The following CSMD1 variants were observed in gnomAD, a reference collection of about 807,000 sequenced individuals.
The protein encoded by CSMD1 is CUB and Sushi multiple domains 1.
In CSMD1, 213 loss-of-function variants were observed where a neutral mutation model predicts 417.5. That is an observed-to-expected ratio of 0.51 (90% CI 0.46 to 0.57). The LOEUF is 0.57. Among genes scored for constraint, CSMD1 ranks in the 20% least tolerant of loss-of-function variants. The probability of loss-of-function intolerance (pLI) is 0.00; values close to 1 mark genes in which losing one functional copy is unlikely to be tolerated. For missense variants in CSMD1, 6,923 were observed against 4,529.7 expected (o/e 1.53, Z -15.17); for synonymous variants, 2,862 against 1,736.8 (o/e 1.65, Z -16.11).
chr8:4,528,025 G>A (rs1044363141), intron 2 of CSMD1, among the ~76,000 whole-genome samples: 4 of 152,146 alleles, frequency 2.6e-5, no homozygotes, highest in East Asian at 3.9e-4. Context: ...TCATGTCAGT[G>A]CTTTGGAAAA....
At chr8:3,845,941 C>A (rs1803473910) in intron 5 of CSMD1, among the ~76,000 whole-genome samples, 1 of 152,034 alleles carries the variant, frequency 6.6e-6, no homozygotes, top group Non-Finnish European at 1.5e-5. Flanking sequence ...ACCTTCACAT[C>A]CTGTCCCACT....
intron 46 of CSMD1, among the ~76,000 whole-genome samples, chr8:3,104,841 G>T (rs770153005): frequency 2.6e-5 from 4 of 151,826 alleles, no homozygotes. Flanking sequence ...CTGAGTAGCT[G>T]GCATTACAGG....
intron 5 of CSMD1, among the ~76,000 whole-genome samples, chr8:3,904,338 AT>A (rs140659000): frequency 0.012 from 1,763 of 152,224 alleles, 32 homozygotes; most frequent in African/African-American, 0.04. Flanking sequence ...AGTCCTACAA[AT>A]AGAAAATATG....
intron 3 of CSMD1, among the ~76,000 whole-genome samples, chr8:4,176,467 C>G (rs374390621): frequency 6.6e-6 from 1 of 151,978 alleles, no homozygotes; most frequent in Non-Finnish European, 1.5e-5. Context: ...TTTTCTCATC[C>G]TGGCACCTTC....
At position 3,189,130 on chromosome 8, in the gene CSMD1, C is replaced by T. The variant is rs540574840; in HGVS notation, c.5399-119G>A. The T allele has an allele frequency of 6.0e-4, 524 of 869,634 alleles. 1 individual carries two copies. The highest frequency in any genetic ancestry group is 7.5e-4 in the Non-Finnish European group (445 of 597,186). 53.9% of individuals were successfully genotyped at this position (869,634 alleles called of 1,614,324 possible). ...GAGAAAATGTACATGAACAATGATA[C>T]GTTAAACGGCACTTTTAGCCAAGGT... On this transcript the variant is annotated intron_variant, in intron 34 of 69. Coordinates refer to ENST00000635120, the MANE Select transcript of CSMD1 (RefSeq NM_033225.6).
At chr8:4,478,822 C>T (rs1465403063) in intron 2 of CSMD1, among the ~76,000 whole-genome samples, 1 of 152,158 alleles carries the variant, frequency 6.6e-6, no homozygotes, top group African/African-American at 2.4e-5. Flanking sequence ...ATAGTTTCAA[C>T]ATATTTCATA....
intron 3 of CSMD1, among the ~76,000 whole-genome samples, chr8:4,111,914 C>G (rs4875281): frequency 0.65 from 98,905 of 152,054 alleles, 32,330 homozygotes; most frequent in Middle Eastern, 0.72. Flanking sequence ...ACATGTACCC[C>G]AGAACTTAAA....
chr8:3,039,284 CTTT>C (rs68122731), intron 50 of CSMD1, among the ~76,000 whole-genome samples: 32,886 of 143,442 alleles, frequency 0.23, 3,883 homozygotes, highest in East Asian at 0.43. Context: ...TTCCTTCCTT[CTTT>C]TCCTTACTTC....
At chr8:3,188,309 T>TTC (rs1554457662) in intron 35 of CSMD1, among the ~76,000 whole-genome samples, 25 of 132,136 alleles carry the variant, frequency 1.9e-4, no homozygotes, top group Admixed American at 6.2e-4. Flanking sequence ...CCTTTCTTTT[T>TTC]TTTTTTTTTT....
At chr8:3,357,054 G>A (rs1340268007) in intron 21 of CSMD1, among the ~76,000 whole-genome samples, 1 of 152,148 alleles carries the variant, frequency 6.6e-6, no homozygotes, top group Non-Finnish European at 1.5e-5. Context: ...GGGGCTAGGA[G>A]GGTGGGGAGG....
In CSMD1 at chr8:3,187,939, C is replaced by T. The variant is rs750543243; in HGVS notation, c.5550G>A (p.Glu1850=). ...GGATCTCAAGGGAGTCCCAGTTCTG[C>T]TCCGTGGCAAAACTGATCACTTGGA... The part of the protein sequence containing the change: ...IQIQVISFAT[E]QNWDSLEIHD... Residue 1850 remains glutamate (E), a synonymous_variant, in exon 36 of 70, where the codon GAG becomes GAA. Transcript: ENST00000635120. 1.5e-5 allele frequency: 25 copies of T among 1,613,216 alleles called. No individual in the cohort carries two copies. The East Asian group carries it at 4.0e-4, about 26-fold the overall frequency.
At chr8:3,710,115 C>A (rs1316328466) in intron 6 of CSMD1, among the ~76,000 whole-genome samples, 2 of 136,096 alleles carry the variant, frequency 1.5e-5, no homozygotes, top group Admixed American at 7.4e-5. Flanking sequence ...ATTCATGACA[C>A]ACCTTTTTGG....
At chr8:3,913,289 A>T (rs939767881) in intron 5 of CSMD1, among the ~76,000 whole-genome samples, 11 of 152,126 alleles carry the variant, frequency 7.2e-5, no homozygotes, top group African/African-American at 2.7e-4. Flanking sequence ...GTTTTTGTCA[A>T]AGGATCCTGT....
intron 37 of CSMD1, 46 bp downstream of exon 37, chr8:3,181,064 A>C (rs746368933): frequency 8.8e-7 from 1 of 1,139,146 alleles, no homozygotes. Context: ...TAAAAAAATG[A>C]CTCAGTATAA....
chr8:3,382,417 C>A, intron 18 of CSMD1, among the ~76,000 whole-genome samples: 1 of 137,916 alleles, frequency 7.3e-6, no homozygotes, highest in Middle Eastern at 4.0e-3. Flanking sequence ...TAATATATAA[C>A]ACATAATATA....
intron 26 of CSMD1, among the ~76,000 whole-genome samples, chr8:3,242,370 G>C (rs1351306358): frequency 6.6e-6 from 1 of 151,736 alleles, no homozygotes; most frequent in Non-Finnish European, 1.5e-5. Flanking sequence ...GGACTGAGGG[G>C]ACAGGTAGGA....
At chr8:3,687,213 C>G (rs529255170) in intron 7 of CSMD1, among the ~76,000 whole-genome samples, 1 of 152,312 alleles carries the variant, frequency 6.6e-6, no homozygotes, top group African/African-American at 2.4e-5. Flanking sequence ...CTTGGTTTGC[C>G]CAGGGCAGGT....
At chr8:4,198,462 TG>T (rs1799466563) in intron 3 of CSMD1, among the ~76,000 whole-genome samples, 1 of 152,260 alleles carries the variant, frequency 6.6e-6, no homozygotes, top group Non-Finnish European at 1.5e-5. Context: ...AATATGGATT[TG>T]GGGGATGAGA....
chr8:4,096,723 C>A (rs941487984), intron 3 of CSMD1, among the ~76,000 whole-genome samples: 1 of 152,184 alleles, frequency 6.6e-6, no homozygotes, highest in Non-Finnish European at 1.5e-5. Context: ...AGGTAATCAT[C>A]TGAGAAAATA....
Sources: gnomAD v4.1 joint callset for allele counts (sites outside exome capture counted in the v4.1 genomes callset) on GRCh38, gnomAD v4.1.1 for gene constraint, MANE v1.5 for transcripts, NCBI Gene and HGNC (gene_info 2026-07-23, HGNC 2026-07-21) for gene names.